The following TMEM178A variants were observed in gnomAD, a reference collection of about 807,000 sequenced individuals.
The protein encoded by TMEM178A is transmembrane protein 178.
Under a neutral mutation model 29.1 loss-of-function variants are expected in TMEM178A, and 12 were observed. The observed-to-expected ratio is 0.41, with a 90% CI of 0.26 to 0.67. The LOEUF (loss-of-function observed/expected upper bound fraction) is 0.67, where lower values mean the gene tolerates loss of function less well. Among genes scored for constraint, TMEM178A ranks in the 30% least tolerant of loss-of-function variants. The pLI, the probability that TMEM178A is intolerant of heterozygous loss-of-function variation, is 0.29. For missense variants in TMEM178A, 366 were observed against 419.1 expected (o/e 0.87, Z 1.11); for synonymous variants, 210 against 187.2 (o/e 1.12, Z -0.99).
At chr2:39,669,181 C>G (rs965189985) in intron 1 of TMEM178A, among the ~76,000 whole-genome samples, 13 of 152,080 alleles carry the variant, frequency 8.5e-5, no homozygotes, top group African/African-American at 2.9e-4. Flanking sequence ...AACTGTCTGG[C>G]ATGCTTAGTG....
chr2:39,731,766 A>G, the TMEM178A span, among the ~76,000 whole-genome samples: 1 of 152,198 alleles, frequency 6.6e-6, no homozygotes, highest in East Asian at 1.9e-4. Context: ...GAAATTAGTC[A>G]GCAGTGGCAG....
intron 3 of TMEM178A, among the ~76,000 whole-genome samples, chr2:39,712,982 G>C (rs1382833585): frequency 6.6e-6 from 1 of 152,160 alleles, no homozygotes; most frequent in Non-Finnish European, 1.5e-5. Flanking sequence ...CTCTTAAGTT[G>C]GTAGAACTCA....
rs933167456 is a variant in TMEM178A at position 39,714,783 on chromosome 2, G to A, written c.653-2227G>A. ...AAAAGCAATTTTATGGGGTTGGCAG[G>A]GGAGAGGAGCTAATGAAAGAAATGT... is the stretch of plus-strand genomic sequence containing the variant. On this transcript the variant is annotated intron_variant, in intron 3 of 3. Coordinates refer to ENST00000281961, the MANE Select transcript of TMEM178A (RefSeq NM_152390.3). Among the ~76,000 whole-genome samples the A allele has an allele frequency of 9.9e-5, 15 of 152,284 alleles. No individual in the cohort carries two copies. In the East Asian group the frequency reaches 2.7e-3, roughly 27 times the overall value.
At position 39,704,161 on chromosome 2, in the gene TMEM178A, A is replaced by C; in HGVS notation, c.481A>C (p.Lys161Gln). The C allele has an allele frequency of 6.2e-7, 1 of 1,614,164 alleles. No homozygotes were observed. Among genetic ancestry groups the C allele is most frequent in the Non-Finnish European group, 8.5e-7 (1 of 1,180,016 alleles). ...RLRNIPFNLT[K>Q]TIQQDEWHLL... is the part of the protein sequence containing the mutation. ...GCGAAACATTCCTTTTAATTTAACCAAGACCATACAGCAAGATGAGTGGCA... is the reference window on the plus strand; with the variant it reads ...GCGAAACATTCCTTTTAATTTAACCCAGACCATACAGCAAGATGAGTGGCA... The change falls in exon 2 of 4, where the codon AAG (lysine) becomes CAG (glutamine). Residue 161 changes from lysine to glutamine, a missense_variant. By Grantham distance (53) the Lys-to-Gln change is moderately conservative. Transcript: ENST00000281961.
chr2:39,686,962 CATGTGT>C (rs1178097695), intron 1 of TMEM178A, among the ~76,000 whole-genome samples: 13 of 100,502 alleles, frequency 1.3e-4, no homozygotes, highest in East Asian at 1.2e-3. Flanking sequence ...TGCACATATG[CATGTGT>C]GTGTGTGTGT....
At chr2:39,726,145 C>A in the TMEM178A span, among the ~76,000 whole-genome samples, 1 of 152,120 alleles carries the variant, frequency 6.6e-6, no homozygotes, top group Non-Finnish European at 1.5e-5. Flanking sequence ...CTCAGAGAGA[C>A]AGACAGTAAT....
At chr2:39,716,248 C>G (rs1193343040) in intron 3 of TMEM178A, among the ~76,000 whole-genome samples, 1 of 152,216 alleles carries the variant, frequency 6.6e-6, no homozygotes, top group Non-Finnish European at 1.5e-5. Flanking sequence ...GAATTGAGTA[C>G]TAAAAATCCT....
intron 1 of TMEM178A, among the ~76,000 whole-genome samples, chr2:39,672,776 A>C (rs1239764527): frequency 6.6e-6 from 1 of 152,170 alleles, no homozygotes; most frequent in East Asian, 1.9e-4. Context: ...GCCTCAAGAG[A>C]TACTCTTGCC....
At position 39,666,033 on chromosome 2, in the gene TMEM178A, G is replaced by T. The variant is rs770799835; in HGVS notation, c.59G>T (p.Gly20Val). ...CTCGGCCTCAGCCTGTGCTCCCTGG[G>T]GCTGCTCGTCACGGCCATCTTCACC... Reference protein sequence around the residue: ...LSLGLSLCSLGLLVTAIFTDH... With the variant: ...LSLGLSLCSLVLLVTAIFTDH... Residue 20 changes from glycine (G) to valine (V), a missense_variant, in exon 1 of 4, where the codon GGG becomes GTG. This residue lies in a region of TMEM178A where 247 missense variants were observed against 246.8 expected (regional missense o/e 1.00). Transcript: ENST00000281961. 2 of 1,555,558 alleles carry T rather than the reference G, an allele frequency of 1.3e-6. No individual in the cohort carries two copies. The highest frequency in any genetic ancestry group is 2.7e-5 in the East Asian group (1 of 37,720).
chr2:39,710,188 C>T (rs1672244096), intron 3 of TMEM178A, among the ~76,000 whole-genome samples: 1 of 152,102 alleles, frequency 6.6e-6, no homozygotes, highest in South Asian at 2.1e-4. Flanking sequence ...AAAGCAATAG[C>T]CACAACAGAA....
At chr2:39,723,657 T>A in the TMEM178A span, among the ~76,000 whole-genome samples, 1 of 152,164 alleles carries the variant, frequency 6.6e-6, no homozygotes, top group Non-Finnish European at 1.5e-5. Context: ...TCAGGCTGTG[T>A]CCTTTATAAA....
At chr2:39,679,033 A>G (rs1670750645) in intron 1 of TMEM178A, among the ~76,000 whole-genome samples, 1 of 152,108 alleles carries the variant, frequency 6.6e-6, no homozygotes, top group South Asian at 2.1e-4. Context: ...CACCTCTCTC[A>G]TTCCCTGCAG....
chr2:39,677,145 C>T (rs1403277098), intron 1 of TMEM178A, among the ~76,000 whole-genome samples: 2 of 152,104 alleles, frequency 1.3e-5, no homozygotes, highest in Non-Finnish European at 2.9e-5. Context: ...AGCCTTTGTC[C>T]TCACTCTCGT....
downstream of TMEM178A, among the ~76,000 whole-genome samples, chr2:39,718,883 A>T (rs1031497651): frequency 1.3e-5 from 2 of 152,222 alleles, no homozygotes; most frequent in East Asian, 1.9e-4. Context: ...GCCATTCCAG[A>T]ATATGCTGTT....
chr2:39,692,633 G>A (rs1015442339), intron 1 of TMEM178A, among the ~76,000 whole-genome samples: 12 of 152,108 alleles, frequency 7.9e-5, no homozygotes, highest in Admixed American at 3.3e-4. Context: ...GCCTATAAAG[G>A]GGGAGGGGAG....
At chr2:39,720,988 G>A (rs536440340), downstream of TMEM178A, among the ~76,000 whole-genome samples, 1 of 152,098 alleles carries the variant, frequency 6.6e-6, no homozygotes, top group Non-Finnish European at 1.5e-5. Context: ...CCTCAATATG[G>A]TTCTACACCT....
chr2:39,698,225 G>A (rs1207070482), intron 1 of TMEM178A, among the ~76,000 whole-genome samples: 2 of 152,276 alleles, frequency 1.3e-5, no homozygotes, highest in Non-Finnish European at 2.9e-5. Context: ...TATAGAGTTT[G>A]GGTAACAGCA....
chr2:39,706,067 A>G (rs1672017862), intron 2 of TMEM178A, among the ~76,000 whole-genome samples: 2 of 152,272 alleles, frequency 1.3e-5, no homozygotes, highest in African/African-American at 4.8e-5. Flanking sequence ...AAGAAAATAG[A>G]AAAAGTAAAA....
intron 3 of TMEM178A, among the ~76,000 whole-genome samples, chr2:39,708,409 ATTTTTTTTTTT>A (rs956611778): frequency 2.9e-5 from 2 of 69,702 alleles, no homozygotes; most frequent in Admixed American, 2.1e-4. Context: ...GAGTGACTTG[ATTTTTTTTTTT>A]TTTTTTTTTT....
Sources: allele counts gnomAD v4.1 joint callset (sites outside exome capture counted in the v4.1 genomes callset), GRCh38; gene constraint gnomAD v4.1.1; regional missense constraint gnomAD v4.1.1; transcripts MANE v1.5; gene names NCBI Gene and HGNC (gene_info 2026-07-23, HGNC 2026-07-21).